SNTG1: variants seen among roughly 807,000 people sequenced by gnomAD.
SNTG1 encodes the protein syntrophin gamma 1.
In SNTG1, 39 loss-of-function variants were observed where a neutral mutation model predicts 74.7. That is an observed-to-expected ratio of 0.52 (90% confidence interval 0.40 to 0.68). SNTG1 has a LOEUF of 0.68. SNTG1 is among the 30% of genes least tolerant of loss of function. SNTG1 has a pLI of 0.00. For synonymous variants in SNTG1, 254 were observed against 217.1 expected, an observed-to-expected ratio of 1.17 and a Z score of -1.49; for missense variants, 685 against 609.5, an observed-to-expected ratio of 1.12 and a Z score of -1.30.
intron 8 of SNTG1, among the ~76,000 whole-genome samples, chr8:50,454,060 T>C (rs1461448209): frequency 3.3e-5 from 5 of 152,206 alleles, no homozygotes; most frequent in African/African-American, 1.2e-4. Flanking sequence ...TCAAGGAAAA[T>C]GATCTATTGC....
chr8:50,387,110 C>T (rs950308010), intron 2 of SNTG1, among the ~76,000 whole-genome samples: 2 of 152,132 alleles, frequency 1.3e-5, no homozygotes, highest in African/African-American at 4.8e-5. Context: ...TAGGCCTCTC[C>T]GAGTTAAGCT....
chr8:50,373,638 CAG>C (rs1051485370), intron 2 of SNTG1, among the ~76,000 whole-genome samples: 77 of 152,220 alleles, frequency 5.1e-4, no homozygotes, highest in Middle Eastern at 3.4e-3. Context: ...TTAAGAAGTG[CAG>C]AGTTTAATCT....
chr8:50,397,481 G>T (rs16914815), intron 3 of SNTG1, among the ~76,000 whole-genome samples: 1,572 of 152,260 alleles, frequency 0.01, 60 homozygotes, highest in Admixed American at 0.073. Flanking sequence ...AAGCACTTCA[G>T]GAAGGAGTGG....
chr8:50,144,504 A>C (rs558650501), intron 1 of SNTG1, among the ~76,000 whole-genome samples: 2 of 152,348 alleles, frequency 1.3e-5, no homozygotes, highest in Admixed American at 1.3e-4. Context: ...TGGGTTATAC[A>C]GGGACCTAGT....
chr8:50,454,070 C>T (rs1213388785), intron 8 of SNTG1, among the ~76,000 whole-genome samples: 1 of 152,160 alleles, frequency 6.6e-6, no homozygotes, highest in Non-Finnish European at 1.5e-5. Context: ...TGATCTATTG[C>T]CACTACTGAT....
Position 50,792,943 on chromosome 8 carries a change from C to T in SNTG1, c.*114C>T. ...CACCAAGTCGACAGTGGAGGCAAAT[C>T]AAAATTTCGGCAGAAAAAGAAGGTC... On this transcript the variant is annotated 3_prime_UTR_variant, in exon 19 of 19. Coordinates refer to ENST00000642720, the MANE Select transcript of SNTG1 (RefSeq NM_018967.5). The T allele has an allele frequency of 8.1e-7, 1 of 1,239,830 alleles. No homozygotes were observed. Among genetic ancestry groups the T allele is most frequent in the Admixed American group, 2.7e-5 (1 of 36,980 alleles). The allele number at this position is 1,239,830 out of a possible 1,614,324, so 76.8% of individuals were successfully genotyped here.
At chr8:50,058,656 A>G (rs1042969703) in intron 1 of SNTG1, among the ~76,000 whole-genome samples, 1 of 152,074 alleles carries the variant, frequency 6.6e-6, no homozygotes, top group African/African-American at 2.4e-5. Context: ...TTTTCAAATG[A>G]TGGCACAATA....
At chr8:50,375,880 T>C (rs1245601189) in intron 2 of SNTG1, among the ~76,000 whole-genome samples, 1 of 152,144 alleles carries the variant, frequency 6.6e-6, no homozygotes, top group Non-Finnish European at 1.5e-5. Context: ...CCAGGTTATA[T>C]AGCAACTTTA....
intron 15 of SNTG1, among the ~76,000 whole-genome samples, chr8:50,683,575 T>C (rs1271911893): frequency 3.3e-5 from 5 of 152,180 alleles, no homozygotes; most frequent in African/African-American, 9.7e-5. Context: ...AGATCTGCAA[T>C]TTTTACATCT....
At chr8:50,486,951 A>T (rs1587788582) in intron 8 of SNTG1, among the ~76,000 whole-genome samples, 2 of 152,214 alleles carry the variant, frequency 1.3e-5, no homozygotes, top group South Asian at 2.1e-4. Context: ...GCTGGATTAC[A>T]TTTATTGATT....
At chr8:50,249,076 C>G (rs1051865034) in intron 2 of SNTG1, among the ~76,000 whole-genome samples, 7 of 151,972 alleles carry the variant, frequency 4.6e-5, no homozygotes, top group Middle Eastern at 3.2e-3. Context: ...TAGATCAGAT[C>G]ACAGACAGGA....
chr8:50,158,048 T>G (rs1340990878), intron 1 of SNTG1, among the ~76,000 whole-genome samples: 2 of 152,136 alleles, frequency 1.3e-5, no homozygotes, highest in Non-Finnish European at 2.9e-5. Flanking sequence ...CTCTCCCAAG[T>G]GACATTGTTT....
chr8:50,148,489 TG>T (rs2081950614), intron 1 of SNTG1, among the ~76,000 whole-genome samples: 1 of 152,192 alleles, frequency 6.6e-6, no homozygotes, highest in South Asian at 2.1e-4. Context: ...ACATATGCCA[TG>T]TTGGTGTGCT....
chr8:50,562,036 T>G (rs1484030029), intron 12 of SNTG1, among the ~76,000 whole-genome samples: 1 of 152,220 alleles, frequency 6.6e-6, no homozygotes. Context: ...TCATACATTT[T>G]AAAGACTCCT....
At chr8:50,765,988 TAC>T (rs1160305753) in intron 18 of SNTG1, among the ~76,000 whole-genome samples, 1 of 152,008 alleles carries the variant, frequency 6.6e-6, no homozygotes, top group African/African-American at 2.4e-5. Context: ...ATTTAATTTT[TAC>T]ACAGTTATTT....
intron 1 of SNTG1, among the ~76,000 whole-genome samples, chr8:50,049,922 A>G (rs1308090907): frequency 6.6e-6 from 1 of 152,048 alleles, no homozygotes; most frequent in African/African-American, 2.4e-5. Context: ...TGAGAATACT[A>G]TAATACATGT....
intron 2 of SNTG1, among the ~76,000 whole-genome samples, chr8:50,310,420 G>C (rs565189259): frequency 6.6e-6 from 1 of 152,156 alleles, no homozygotes; most frequent in Non-Finnish European, 1.5e-5. Flanking sequence ...TGGGCTTGGT[G>C]GCTCACGCAT....
intron 17 of SNTG1, among the ~76,000 whole-genome samples, chr8:50,712,393 T>A (rs775817894): frequency 2.0e-5 from 3 of 152,198 alleles, no homozygotes; most frequent in Non-Finnish European, 2.9e-5. Flanking sequence ...GATGTGTGTT[T>A]GAGAATCGAA....
At chr8:50,628,687 T>A (rs1394595206) in intron 13 of SNTG1, among the ~76,000 whole-genome samples, 1 of 152,210 alleles carries the variant, frequency 6.6e-6, no homozygotes, top group African/African-American at 2.4e-5. Flanking sequence ...ATAAGCTATA[T>A]TTCTTTTCCT....
Sources: allele counts gnomAD v4.1 joint callset (sites outside exome capture counted in the v4.1 genomes callset), GRCh38; gene constraint gnomAD v4.1.1; transcripts MANE v1.5; gene names NCBI Gene and HGNC (gene_info 2026-07-23, HGNC 2026-07-21).